The following ATP1B2 variants were observed in gnomAD, a reference collection of about 807,000 sequenced individuals.
The protein encoded by ATP1B2 is sodium/potassium-transporting ATPase subunit beta-2.
In ATP1B2, 12 loss-of-function variants were observed where a neutral mutation model predicts 37.3. The ratio of observed to expected loss-of-function variants is 0.32; its 90% CI spans 0.21 to 0.52. ATP1B2 has a LOEUF of 0.52. Ranked by LOEUF, ATP1B2 falls within the 20% of genes least tolerant of loss-of-function variation. ATP1B2 has a pLI of 0.96. For missense variants in ATP1B2, 324 were observed against 391.6 expected, an observed-to-expected ratio of 0.83 and a Z score of 1.46; for synonymous variants, 139 against 140.5, an observed-to-expected ratio of 0.99 and a Z score of 0.07.
At chr17:7,648,081 A>C (rs2543556), upstream of ATP1B2, among the ~76,000 whole-genome samples, 114,804 of 151,796 alleles carry the variant, frequency 0.76, 45,253 homozygotes, top group Middle Eastern at 0.9. Context: ...CTCTAGTAAA[A>C]ATACAAAAAT....
chr17:7,655,340 G>A lies in ATP1B2; in HGVS notation c.610-187G>A. ...AGTTCCTAGAATGATGACAGGGACA[G>A]ACCATCCCCTCATCTACACACGCAC... On this transcript the variant is annotated intron_variant, in intron 5 of 6. Coordinates refer to ENST00000250111, the MANE Select transcript of ATP1B2 (RefSeq NM_001678.5). The surrounding 1 kb of genome is among the most constrained non-coding windows in gnomAD (Gnocchi z 4.4). The A allele has an allele frequency of 1.6e-6, 1 of 619,064 alleles. No homozygotes were observed. The allele number at this position is 619,064 out of a possible 1,614,324, so 38.3% of individuals were successfully genotyped here.
In ATP1B2 at chr17:7,654,753, T is replaced by G; in HGVS notation, c.609+69T>G. 6.5e-7 allele frequency: 1 copy of G among 1,544,396 alleles called. No individual in the cohort carries two copies. The highest frequency in any genetic ancestry group is 9.0e-7 in the Non-Finnish European group (1 of 1,116,668). ...ACCTGAGTGTCCTTCATGGTTTCTGTGTAATTCACCTGTCTCTCCCTATCT... is the reference window on the plus strand; with the variant it reads ...ACCTGAGTGTCCTTCATGGTTTCTGGGTAATTCACCTGTCTCTCCCTATCT... On this transcript the variant is annotated intron_variant, in intron 5 of 6. Transcript: ENST00000250111. The surrounding 1 kb of genome is among the most constrained non-coding windows in gnomAD (Gnocchi z 4.9).
rs1332012707 is a variant in ATP1B2 at position 7,652,442 on chromosome 17, G to A, written c.112+812G>A. Among the ~76,000 whole-genome samples the A allele has an allele frequency of 4.6e-5, 7 of 152,196 alleles. 1 individual carries two copies. In the South Asian group the frequency reaches 1.2e-3, roughly 27 times the overall value. On this transcript the variant is annotated intron_variant, in intron 1 of 6. Transcript: ENST00000250111. ...TCAAGCTGGGACGTTGAGACACAGG[G>A]GACAGAGGACACTGTGTGACACGAT...
Position 7,655,663 on chromosome 17 carries a change from G to A in ATP1B2, c.708+38G>A, listed in dbSNP as rs371912048. The A allele has an allele frequency of 2.0e-4, 318 of 1,613,898 alleles. No individual in the cohort carries two copies. Among genetic ancestry groups the A allele is most frequent in the Non-Finnish European group, 2.5e-4 (298 of 1,179,920 alleles). Reference sequence around the variant, plus strand: ...GGAGGCCCAGGCTGATGGCGGGTGCGGGTGGTGAGCTAGGGAAGGAGGCCG... The same window carrying A: ...GGAGGCCCAGGCTGATGGCGGGTGCAGGTGGTGAGCTAGGGAAGGAGGCCG... On this transcript the variant is annotated intron_variant, in intron 6 of 6. Transcript: ENST00000250111. This position sits in a 1 kb window ranked among gnomAD's most constrained non-coding sequence, Gnocchi z 4.4.
intron 2 of ATP1B2, 24 bp downstream of exon 2, chr17:7,653,526 C>T (rs747275097): frequency 6.2e-7 from 1 of 1,613,198 alleles, no homozygotes; most frequent in South Asian, 1.1e-5. Flanking sequence ...CTCCCCCTGC[C>T]AGCTACTCTA....
At position 7,651,222 on chromosome 17, in the gene ATP1B2, G is replaced by C. The variant is rs932755149; in HGVS notation, c.-297G>C. 5.3e-6 allele frequency: 2 copies of C among 378,126 alleles called. No individual in the cohort carries two copies. The highest frequency in any genetic ancestry group is 2.5e-5 in the South Asian group (1 of 40,602). The allele number at this position is 378,126 out of a possible 1,614,324, so 23.4% of individuals were successfully genotyped here. On this transcript the variant is annotated 5_prime_UTR_variant, in exon 1 of 7. Transcript: ENST00000250111. ...TTTTGTTTCTAGACGGTTTGGTGGG[G>C]GGTGAAGCTGCATTCATACCCCTTC...
upstream of ATP1B2, among the ~76,000 whole-genome samples, chr17:7,647,567 T>A (rs751172566): frequency 2.6e-5 from 4 of 152,110 alleles, no homozygotes; most frequent in Admixed American, 6.6e-5. Flanking sequence ...ACGCCTGTAA[T>A]CCCAGCATTT....
chr17:7,655,700 G>T lies in ATP1B2; in HGVS notation c.709-31G>T. 21 of 1,613,960 alleles carry T rather than the reference G, an allele frequency of 1.3e-5. No individual in the cohort carries two copies. Among genetic ancestry groups the T allele is most frequent in the Non-Finnish European group, 1.8e-5 (21 of 1,179,938 alleles). ...AGGGAAGGAGGCCGCGTTGCCCCAG[G>T]CCTAGACCCTGCACTGCTCCTCCGG... On this transcript the variant is annotated intron_variant, in intron 6 of 6. Coordinates refer to ENST00000250111, the MANE Select transcript of ATP1B2 (RefSeq NM_001678.5). This position sits in a 1 kb window ranked among gnomAD's most constrained non-coding sequence, Gnocchi z 4.4.
chr17:7,646,894 A>G (rs2072578898), upstream of ATP1B2, among the ~76,000 whole-genome samples: 1 of 152,070 alleles, frequency 6.6e-6, no homozygotes, highest in African/African-American at 2.4e-5. Flanking sequence ...CCTTGGCAAT[A>G]TGGCGAGACC....
chr17:7,654,053 T>G lies in ATP1B2; in HGVS notation c.348T>G (p.Pro116=). 1 of 1,614,142 alleles carries G rather than the reference T, an allele frequency of 6.2e-7. No homozygotes were observed. ...HVQKLNKFLE[P]YNDSIQAQKN... is the part of the protein sequence containing the mutation. The stretch of plus-strand genomic sequence containing the variant: ...AGTCTCTCCCTCCCACCTCTTTAGC[T>G]TACAACGACTCTATCCAAGCCCAAA... The change falls in exon 4 of 7, where the codon CCT becomes CCG. Residue 116 remains proline (P), a splice_region_variant and synonymous_variant. Coordinates refer to ENST00000250111, the MANE Select transcript of ATP1B2 (RefSeq NM_001678.5). This position sits in a 1 kb window ranked among gnomAD's most constrained non-coding sequence, Gnocchi z 4.9.
At position 7,651,460 on chromosome 17, in the gene ATP1B2, G is replaced by T; in HGVS notation, c.-59G>T. The T allele has an allele frequency of 6.8e-7, 1 of 1,475,108 alleles. No individual in the cohort carries two copies. The highest frequency in any genetic ancestry group is 1.2e-5 in the South Asian group (1 of 82,582). 91.4% of individuals were successfully genotyped at this position (1,475,108 alleles called of 1,614,324 possible). A position where few individuals can be genotyped will look rare whatever the true frequency, so the allele number is the denominator to read the frequency against. On this transcript the variant is annotated 5_prime_UTR_variant, in exon 1 of 7. Coordinates refer to ENST00000250111, the MANE Select transcript of ATP1B2 (RefSeq NM_001678.5). ...GGTGTGTGGAGGGCTTCAGCGCGCG[G>T]CGCCCCCGCTTCTCCGCAACCCCCC...
chr17:7,654,507 CTA>C lies in ATP1B2; in HGVS notation c.553-119_553-118del. ...CTGGCCTTGAACTCCTGGAATTAAG[CTA>C]TCCTCCCGCCTCAACCTCCCTAGTA... On this transcript the variant is annotated intron_variant, in intron 4 of 6. Transcript: ENST00000250111. This position sits in a 1 kb window ranked among gnomAD's most constrained non-coding sequence, Gnocchi z 4.9. 1 of 1,160,230 alleles carries C rather than the reference CTA, an allele frequency of 8.6e-7. No homozygotes were observed. Among genetic ancestry groups the C allele is most frequent in the African/African-American group, 1.5e-5 (1 of 65,856 alleles). 71.9% of individuals were successfully genotyped at this position (1,160,230 alleles called of 1,614,324 possible). A position where few individuals can be genotyped will look rare whatever the true frequency, so the allele number is the denominator to read the frequency against.
intron 2 of ATP1B2, 31 bp from the exon 3 acceptor site, chr17:7,653,810 T>TGC: frequency 1.2e-6 from 2 of 1,601,436 alleles, no homozygotes; most frequent in Non-Finnish European, 1.7e-6. Context: ...ATCTTATAGA[T>TGC]ACCCCCAACT....
chr17:7,654,177 G>T lies in ATP1B2; in HGVS notation c.472G>T (p.Gly158Cys). 1 of 1,614,152 alleles carries T rather than the reference G, an allele frequency of 6.2e-7. No individual in the cohort carries two copies. Among genetic ancestry groups the T allele is most frequent in the Non-Finnish European group, 8.5e-7 (1 of 1,180,030 alleles). The change falls in exon 4 of 7, where the codon GGC becomes TGC. Residue 158 changes from glycine (G) to cysteine (C), a missense_variant. Coordinates refer to ENST00000250111, the MANE Select transcript of ATP1B2 (RefSeq NM_001678.5). This position sits in a 1 kb window ranked among gnomAD's most constrained non-coding sequence, Gnocchi z 4.9. Reference protein sequence around the residue: ...RACQFNRTQLGNCSGIGDSTH... With the variant: ...RACQFNRTQLCNCSGIGDSTH... ...CTGCCAATTCAACCGGACCCAGCTG[G>T]GCAACTGCTCCGGCATTGGGGACTC...
upstream of ATP1B2, among the ~76,000 whole-genome samples, chr17:7,650,544 C>T (rs890309241): frequency 1.3e-5 from 2 of 152,172 alleles, no homozygotes; most frequent in African/African-American, 4.8e-5. Context: ...CATTCTGCCC[C>T]ATCTGCTCCC....
At position 7,654,080 on chromosome 17, in the gene ATP1B2, G is replaced by T. The variant is rs749499489; in HGVS notation, c.375G>T (p.Lys125Asn). 2 of 1,614,182 alleles carry T rather than the reference G, an allele frequency of 1.2e-6. No homozygotes were observed. The highest frequency in any genetic ancestry group is 2.2e-5 in the South Asian group (2 of 91,080). ...ACAACGACTCTATCCAAGCCCAAAAGAATGATGTCTGCCGCCCTGGACGCT... is the reference window on the plus strand; with the variant it reads ...ACAACGACTCTATCCAAGCCCAAAATAATGATGTCTGCCGCCCTGGACGCT... ...EPYNDSIQAQKNDVCRPGRYY... is the reference protein window; with the variant it reads ...EPYNDSIQAQNNDVCRPGRYY... The change falls in exon 4 of 7, where the codon AAG becomes AAT. Residue 125 changes from lysine to asparagine, a missense_variant. Lys to Asn is a moderately conservative substitution (Grantham distance 94, BLOSUM62 0). Coordinates refer to ENST00000250111, the MANE Select transcript of ATP1B2 (RefSeq NM_001678.5). The surrounding 1 kb of genome is among the most constrained non-coding windows in gnomAD (Gnocchi z 4.9).
upstream of ATP1B2, chr17:7,646,717 CT>C (rs1413683723): frequency 1.3e-5 from 2 of 152,118 alleles, no homozygotes; most frequent in Admixed American, 1.3e-4. Flanking sequence ...CACATTATGT[CT>C]GCAACTGAAT....
chr17:7,655,573 C>A lies in ATP1B2; in HGVS notation c.656C>A (p.Ala219Asp). Residue 219 changes from alanine to aspartate, a missense_variant, in exon 6 of 7, where the codon GCC (alanine) becomes GAC (aspartate). Ala to Asp is a moderately radical substitution (Grantham distance 126). Coordinates refer to ENST00000250111, the MANE Select transcript of ATP1B2 (RefSeq NM_001678.5). This position sits in a 1 kb window ranked among gnomAD's most constrained non-coding sequence, Gnocchi z 4.4. ...ENLGNFVMFPANGNIDLMYFP... is the reference protein window; with the variant it reads ...ENLGNFVMFPDNGNIDLMYFP... ...CTCGGCAACTTCGTCATGTTCCCCGCCAACGGCAACATCGACCTCATGTAC... is the reference window on the plus strand; with the variant it reads ...CTCGGCAACTTCGTCATGTTCCCCGACAACGGCAACATCGACCTCATGTAC... 6.2e-7 allele frequency: 1 copy of A among 1,614,184 alleles called. No homozygotes were observed. The highest frequency in any genetic ancestry group is 1.1e-5 in the South Asian group (1 of 91,076).
chr17:7,652,466 A>T (rs2072620750), intron 1 of ATP1B2, among the ~76,000 whole-genome samples: 2 of 151,910 alleles, frequency 1.3e-5, no homozygotes, highest in Non-Finnish European at 2.9e-5. Context: ...GTGTGACACG[A>T]TTTACAATCT....
Sources: allele counts gnomAD v4.1 joint callset (sites outside exome capture counted in the v4.1 genomes callset), GRCh38; gene constraint gnomAD v4.1.1; non-coding constraint Gnocchi (gnomAD v3.1); transcripts MANE v1.5; gene names NCBI Gene and HGNC (gene_info 2026-07-23, HGNC 2026-07-21).